DIAPH2: variants seen among roughly 807,000 people sequenced by gnomAD.
DIAPH2 encodes diaphanous related formin 2.
A neutral mutation model predicts 92.7 loss-of-function variants in DIAPH2; 35 were observed. The ratio of observed to expected loss-of-function variants is 0.38; its 90% confidence interval spans 0.29 to 0.50. The LOEUF is 0.50. Among genes scored for constraint, DIAPH2 ranks in the 20% least tolerant of loss-of-function variants. DIAPH2 has a pLI of 0.94. For missense variants in DIAPH2, 701 were observed against 819.5 expected, an observed-to-expected ratio of 0.86 and a Z score of 1.77; for synonymous variants, 301 against 280.4, an observed-to-expected ratio of 1.07 and a Z score of -0.73.
At chrX:96,740,844 G>A (rs2064114722) in intron 3 of DIAPH2, among the ~76,000 whole-genome samples, 1 of 111,148 alleles carries the variant, frequency 9.0e-6, no homozygotes, top group Admixed American at 9.6e-5. Context: ...TATGTTTTCA[G>A]AGAATCAGTT....
chrX:97,141,779 G>C lies in DIAPH2; in HGVS notation c.2704G>C (p.Glu902Gln), dbSNP rs1310851442. The change falls in exon 22 of 27, where the codon GAA (glutamate) becomes CAA (glutamine). Residue 902 changes from glutamate (E) to glutamine (Q), a missense_variant. Glu to Gln is a conservative substitution (Grantham distance 29). Coordinates refer to ENST00000324765, the MANE Select transcript of DIAPH2 (RefSeq NM_006729.5). ...LKFPEELEHV[E>Q]SASKVSAQIL... The stretch of plus-strand genomic sequence containing the variant: ...ATTTCCTGAAGAACTGGAACACGTA[G>C]AAAGTGCAAGCAAAGGTAATTGATT... The C allele has an allele frequency of 1.7e-6, 2 of 1,204,599 alleles. No individual in the cohort carries two copies. Among genetic ancestry groups the C allele is most frequent in the Non-Finnish European group, 2.2e-6 (2 of 892,950 alleles).
chrX:97,524,321 C>G (rs2071010366), intron 26 of DIAPH2, among the ~76,000 whole-genome samples: 1 of 112,095 alleles, frequency 8.9e-6, no homozygotes, highest in Non-Finnish European at 1.9e-5. Context: ...GATGAATATT[C>G]TATGCCGGAG....
chrX:97,515,677 G>C (rs2070941079), intron 26 of DIAPH2, among the ~76,000 whole-genome samples: 1 of 111,378 alleles, frequency 9.0e-6, no homozygotes, highest in South Asian at 3.9e-4. Context: ...ATTCTTTTCT[G>C]TGTCCTTGTA....
At position 96,810,483 on chromosome X, in the gene DIAPH2, A is replaced by T. The variant is rs1294630695; in HGVS notation, c.447+52225A>T. ...TCCTGTAGGTTGCCTGTTCACTCTG[A>T]TGGGAGTTTCTTTTGCTGTGCAGAA... On this transcript the variant is annotated intron_variant, in intron 4 of 26. Transcript: ENST00000324765. 1.2e-4 allele frequency among the ~76,000 whole-genome samples: 13 copies of T among 111,483 alleles called. 1 individual carries two copies. The highest frequency in any genetic ancestry group is 2.4e-4 in the Non-Finnish European group (13 of 53,093).
intron 17 of DIAPH2, among the ~76,000 whole-genome samples, chrX:97,045,848 A>ACTTTTTTTTT (rs1239959717): frequency 3.1e-5 from 2 of 64,445 alleles, no homozygotes; most frequent in African/African-American, 1.2e-4. Context: ...GTATTTTAGG[A>ACTTTTTTTTT]TTTTTTTTTT....
chrX:97,585,124 A>G (rs1185002079), intron 26 of DIAPH2, among the ~76,000 whole-genome samples: 1 of 111,951 alleles, frequency 8.9e-6, no homozygotes, highest in Non-Finnish European at 1.9e-5. Flanking sequence ...TGATCAGTAC[A>G]CTAGTCACTC....
chrX:97,307,737 C>T (rs1176690141), intron 23 of DIAPH2, among the ~76,000 whole-genome samples: 1 of 108,308 alleles, frequency 9.2e-6, no homozygotes, highest in East Asian at 2.9e-4. Flanking sequence ...GGAGAAACCC[C>T]ATCTCTACTA....
At chrX:97,337,171 G>A (rs187030039) in intron 23 of DIAPH2, among the ~76,000 whole-genome samples, 151 of 106,470 alleles carry the variant, frequency 1.4e-3, no homozygotes, top group Non-Finnish European at 1.8e-3. Context: ...TCTTTAGGTA[G>A]TGAGAGAGCA....
At chrX:96,774,102 C>T (rs2064359148) in intron 4 of DIAPH2, among the ~76,000 whole-genome samples, 1 of 111,572 alleles carries the variant, frequency 9.0e-6, no homozygotes, top group Non-Finnish European at 1.9e-5. Flanking sequence ...ATTTAATCCT[C>T]ATAAGAATTA....
intron 4 of DIAPH2, among the ~76,000 whole-genome samples, chrX:96,873,421 C>G (rs867328023): frequency 9.1e-6 from 1 of 109,965 alleles, no homozygotes; most frequent in African/African-American, 3.3e-5. Context: ...AGCTTTTGAA[C>G]TTGATGTGAT....
At chrX:97,396,497 C>G (rs900731970) in intron 25 of DIAPH2, among the ~76,000 whole-genome samples, 2 of 110,279 alleles carry the variant, frequency 1.8e-5, no homozygotes, top group Admixed American at 1.9e-4. Context: ...CATGGTGAAA[C>G]CCCGTCTCTA....
At chrX:96,708,307 A>G (rs1170625977) in intron 1 of DIAPH2, among the ~76,000 whole-genome samples, 2 of 91,290 alleles carry the variant, frequency 2.2e-5, no homozygotes, top group East Asian at 7.0e-4. Context: ...CAGTGGCGTG[A>G]TCTTGGCTCA....
chrX:96,871,807 A>G (rs1478319848), intron 4 of DIAPH2, among the ~76,000 whole-genome samples: 2 of 112,622 alleles, frequency 1.8e-5, no homozygotes, highest in African/African-American at 3.2e-5. Context: ...TCATAGTTTT[A>G]TTCATAGTAG....
At chrX:97,541,350 A>G (rs2071138908) in intron 26 of DIAPH2, among the ~76,000 whole-genome samples, 1 of 111,718 alleles carries the variant, frequency 9.0e-6, no homozygotes, top group Admixed American at 9.6e-5. Context: ...AGTTTTATAG[A>G]TACTAGAGGA....
At chrX:97,356,082 G>T (rs1232698266) in intron 24 of DIAPH2, among the ~76,000 whole-genome samples, 2 of 111,686 alleles carry the variant, frequency 1.8e-5, no homozygotes, top group Non-Finnish European at 3.8e-5. Flanking sequence ...CAATCTTGAA[G>T]TACCATTGTG....
intron 26 of DIAPH2, among the ~76,000 whole-genome samples, chrX:97,548,892 A>C: frequency 8.9e-6 from 1 of 112,247 alleles, no homozygotes; most frequent in East Asian, 2.8e-4. Context: ...CAACTGATAT[A>C]AAGTGAATTA....
rs149845396 is a variant in DIAPH2 at position 97,049,108 on chromosome X, T to C, written c.2051-23833T>C. 4.3e-3 allele frequency among the ~76,000 whole-genome samples: 472 copies of C among 110,908 alleles called. 24 individuals are homozygous for C. The East Asian group carries it at 0.1, about 24-fold the overall frequency. On this transcript the variant is annotated intron_variant, in intron 17 of 26. Coordinates refer to ENST00000324765, the MANE Select transcript of DIAPH2 (RefSeq NM_006729.5). ...TAAAAATGTAATTAGGGCATGACTT[T>C]TTAGCCATATCATAGGATTGTACTT... is the stretch of plus-strand genomic sequence containing the variant.
chrX:97,175,526 C>T (rs974002244), intron 22 of DIAPH2, among the ~76,000 whole-genome samples: 4 of 112,313 alleles, frequency 3.6e-5, no homozygotes, highest in African/African-American at 1.3e-4. Context: ...TAAAATATCT[C>T]AGCTGCCTTT....
intron 16 of DIAPH2, among the ~76,000 whole-genome samples, chrX:96,962,379 AC>A (rs1288890823): frequency 2.8e-5 from 1 of 36,122 alleles, no homozygotes; most frequent in East Asian, 6.5e-4. Context: ...ATATATATAT[AC>A]ACATATATAT....
Sources: allele counts gnomAD v4.1 joint callset (sites outside exome capture counted in the v4.1 genomes callset), GRCh38; gene constraint gnomAD v4.1.1; transcripts MANE v1.5; gene names NCBI Gene and HGNC (gene_info 2026-07-23, HGNC 2026-07-21).